Variants in PHF20 observed in about 807,000 individuals in gnomAD.
The protein encoded by PHF20 is PHD finger protein 20.
In PHF20, 23 loss-of-function variants were observed where a neutral mutation model predicts 113.5. The observed-to-expected ratio is 0.20, with a 90% confidence interval of 0.15 to 0.29. PHF20 has a LOEUF of 0.29. Ranked by LOEUF, PHF20 falls within the 10% of genes least tolerant of loss-of-function variation. The probability of loss-of-function intolerance (pLI) is 1.00; values close to 1 mark genes in which losing one functional copy is unlikely to be tolerated. For synonymous variants in PHF20, 434 were observed against 457.3 expected (o/e 0.95, Z 0.65); for missense variants, 943 against 1,219.6 (o/e 0.77, Z 3.38).
chr20:35,822,458 G>T (rs1439748204), intron 2 of PHF20, among the ~76,000 whole-genome samples: 1 of 151,710 alleles, frequency 6.6e-6, no homozygotes, highest in African/African-American at 2.4e-5. Flanking sequence ...AGGAATTTGG[G>T]AGTTGGTAAT....
chr20:35,818,956 A>G (rs1439239586), intron 2 of PHF20, among the ~76,000 whole-genome samples: 1 of 149,634 alleles, frequency 6.7e-6, no homozygotes, highest in Non-Finnish European at 1.5e-5. Context: ...GTTTTGAGAC[A>G]GTCTTGCTCT....
At chr20:35,839,390 CAAAAAAAAAA>C (rs752680212) in intron 2 of PHF20, among the ~76,000 whole-genome samples, 854 of 67,930 alleles carry the variant, frequency 0.013, 7 homozygotes, top group Middle Eastern at 0.052. Flanking sequence ...GATTCCATCT[CAAAAAAAAAA>C]AAAAAAAAAA....
chr20:35,864,977 G>C (rs1188299266), intron 6 of PHF20, among the ~76,000 whole-genome samples: 2 of 152,172 alleles, frequency 1.3e-5, no homozygotes, highest in South Asian at 2.1e-4. Flanking sequence ...CTTGAGGTTA[G>C]GAGTTTGAGA....
chr20:35,871,273 T>C, intron 8 of PHF20, 139 bp downstream of exon 8: 2 of 732,044 alleles, frequency 2.7e-6, no homozygotes, highest in Non-Finnish European at 4.6e-6. Flanking sequence ...AGTGTTTTTA[T>C]AATGTATTGC....
intron 2 of PHF20, among the ~76,000 whole-genome samples, chr20:35,804,008 G>T (rs533513003): frequency 2.6e-5 from 4 of 151,684 alleles, no homozygotes; most frequent in African/African-American, 9.7e-5. Context: ...CTTAACTTCT[G>T]TATAGAGTTT....
At chr20:35,857,571 T>G (rs987047463) in intron 4 of PHF20, among the ~76,000 whole-genome samples, 4 of 129,390 alleles carry the variant, frequency 3.1e-5, no homozygotes, top group African/African-American at 1.4e-4. Flanking sequence ...CCTTTTTTTT[T>G]TTTTTTTTTT....
At position 35,895,499 on chromosome 20, in the gene PHF20, A is replaced by G. The variant is rs962265787; in HGVS notation, c.1283-3871A>G. Among the ~76,000 whole-genome samples the G allele has an allele frequency of 1.4e-4, 21 of 152,208 alleles. No individual in the cohort carries two copies. The Middle Eastern group carries it at 0.014, about 99-fold the overall frequency. ...TTAGCCTACAAAATGGCAAGTTTATATGATTTAACCTAATATAGATCAAGG... is the reference window on the plus strand; with the variant it reads ...TTAGCCTACAAAATGGCAAGTTTATGTGATTTAACCTAATATAGATCAAGG... On this transcript the variant is annotated intron_variant, in intron 9 of 17. Coordinates refer to ENST00000374012, the MANE Select transcript of PHF20 (RefSeq NM_016436.5).
intron 13 of PHF20, among the ~76,000 whole-genome samples, chr20:35,922,160 A>G (rs1470345735): frequency 6.6e-6 from 1 of 152,206 alleles, no homozygotes; most frequent in African/African-American, 2.4e-5. Context: ...AGCTCACTTC[A>G]GAGCTTCTTG....
At chr20:35,888,383 G>C (rs1328895424) in intron 9 of PHF20, among the ~76,000 whole-genome samples, 1 of 152,154 alleles carries the variant, frequency 6.6e-6, no homozygotes, top group African/African-American at 2.4e-5. Flanking sequence ...GGTGACTGTT[G>C]AGATTTTGAG....
intron 2 of PHF20, among the ~76,000 whole-genome samples, chr20:35,818,528 G>A (rs996313344): frequency 3.3e-5 from 5 of 152,090 alleles, no homozygotes; most frequent in African/African-American, 1.2e-4. Flanking sequence ...CCAAAGTGCT[G>A]GGATTACAGG....
intron 2 of PHF20, among the ~76,000 whole-genome samples, chr20:35,832,932 TC>T (rs1418730517): frequency 2.6e-5 from 4 of 151,502 alleles, no homozygotes. Context: ...GCACCTGTAG[TC>T]CCAGCTACTT....
intron 10 of PHF20, among the ~76,000 whole-genome samples, chr20:35,909,494 C>G (rs756248772): frequency 6.6e-6 from 1 of 151,858 alleles, no homozygotes; most frequent in African/African-American, 2.4e-5. Flanking sequence ...TGGGGAAGAC[C>G]CTGTTCTCAG....
At chr20:35,780,936 C>G (rs28861079) in intron 1 of PHF20, among the ~76,000 whole-genome samples, 7,327 of 149,388 alleles carry the variant, frequency 0.049, 263 homozygotes, top group South Asian at 0.19. Context: ...TCACTGCAAC[C>G]TCCGCCTCCC....
intron 1 of PHF20, among the ~76,000 whole-genome samples, chr20:35,795,570 G>A (rs114469782): frequency 1.8e-4 from 27 of 152,074 alleles, no homozygotes; most frequent in African/African-American, 6.3e-4. Flanking sequence ...TTTTAATAGG[G>A]GTTTTGCAGA....
At chr20:35,774,178 G>T (rs1023058866) in intron 1 of PHF20, among the ~76,000 whole-genome samples, 2 of 151,728 alleles carry the variant, frequency 1.3e-5, no homozygotes, top group Non-Finnish European at 2.9e-5. Flanking sequence ...CGCCTCCCGG[G>T]TTCACGACAT....
intron 2 of PHF20, among the ~76,000 whole-genome samples, chr20:35,834,244 A>G (rs1169019017): frequency 4.7e-5 from 6 of 128,970 alleles, no homozygotes; most frequent in Admixed American, 1.6e-4. Context: ...TTCTACAGCT[A>G]TGGTTTTTTT....
At chr20:35,821,167 G>A (rs931510997) in intron 2 of PHF20, among the ~76,000 whole-genome samples, 1 of 152,060 alleles carries the variant, frequency 6.6e-6, no homozygotes, top group African/African-American at 2.4e-5. Flanking sequence ...AGTGGCTGTG[G>A]GCCAGGTGCA....
Position 35,904,766 on chromosome 20 carries a change from T to TCTC in PHF20, c.1561+5121_1561+5123dup, listed in dbSNP as rs144884398. Among the ~76,000 whole-genome samples, 134 of 79,912 alleles carry TCTC rather than the reference T, an allele frequency of 1.7e-3. 19 individuals carry two copies. Among genetic ancestry groups the TCTC allele is most frequent in the East Asian group, 2.2e-3 (5 of 2,268 alleles). The allele number at this position is 79,912 out of a possible 152,430, so 52.4% of individuals were successfully genotyped here. On this transcript the variant is annotated intron_variant, in intron 10 of 17. Transcript: ENST00000374012. ...GTCTCTTCACAGATCTGATTTCTTT[T>TCTC]CTCCTTCCTTCCTTCCTTCCTTCCT...
At chr20:35,857,505 A>G (rs1171237020) in intron 4 of PHF20, among the ~76,000 whole-genome samples, 1 of 144,946 alleles carries the variant, frequency 6.9e-6, no homozygotes, top group African/African-American at 2.5e-5. Flanking sequence ...ATGGATTTTG[A>G]GTTGTGGAAA....
Sources: allele counts gnomAD v4.1 joint callset (sites outside exome capture counted in the v4.1 genomes callset), GRCh38; gene constraint gnomAD v4.1.1; transcripts MANE v1.5; gene names NCBI Gene and HGNC (gene_info 2026-07-23, HGNC 2026-07-21).